ATP6V1E1: variants seen among roughly 807,000 people sequenced by gnomAD.
ATP6V1E1 encodes the protein V-type proton ATPase subunit E 1.
A neutral mutation model predicts 35.2 loss-of-function variants in ATP6V1E1; 21 were observed. That is an observed-to-expected ratio of 0.60 (90% confidence interval 0.42 to 0.86). The LOEUF (loss-of-function observed/expected upper bound fraction) is 0.86, where lower values mean the gene tolerates loss of function less well. Ranked by LOEUF, ATP6V1E1 falls within the 40% of genes least tolerant of loss-of-function variation. The pLI, the probability that ATP6V1E1 is intolerant of heterozygous loss-of-function variation, is 0.00. For missense variants in ATP6V1E1, 183 were observed against 272.6 expected (o/e 0.67, Z 2.32); for synonymous variants, 83 against 87.8 (o/e 0.95, Z 0.30).
At chr22:17,605,693 C>CGT (rs1555957952) in intron 4 of ATP6V1E1, among the ~76,000 whole-genome samples, 1 of 103,968 alleles carries the variant, frequency 9.6e-6, no homozygotes, top group African/African-American at 3.7e-5. Flanking sequence ...AGATGTTTCT[C>CGT]TTTTTTTTTT....
rs574340813 is a variant in ATP6V1E1, at chr22:17,622,158, A to G, written c.34-2632T>C. Among the ~76,000 whole-genome samples the G allele has an allele frequency of 2.0e-4, 30 of 152,342 alleles. 1 individual carries two copies. Among genetic ancestry groups the G allele is most frequent in the Admixed American group, 5.2e-4 (8 of 15,296 alleles). On this transcript the variant is annotated intron_variant, in intron 1 of 8. Transcript: ENST00000253413. ...TGATGAAATCCAAAAAGGAAAAAAA[A>G]GCTAAAAATTGACGTAGGATCTTTA... is the stretch of plus-strand genomic sequence containing the variant.
At chr22:17,620,759 TTC>T (rs71661603) in intron 1 of ATP6V1E1, among the ~76,000 whole-genome samples, 16,896 of 152,130 alleles carry the variant, frequency 0.11, 1,122 homozygotes, top group Middle Eastern at 0.22. Flanking sequence ...GTTCTATTAA[TTC>T]TCTCTTAATA....
Position 17,600,108 on chromosome 22 carries a change from G to A in ATP6V1E1, c.367-13C>T, listed in dbSNP as rs1414783507. On this transcript the variant is annotated splice_polypyrimidine_tract_variant and intron_variant, in intron 5 of 8. Transcript: ENST00000253413. ...ACTGGTACAAACCCTGGAAGAAATA[G>A]TAGATACAGTCAGTAGAAAATGCAA... The A allele has an allele frequency of 1.2e-6, 2 of 1,609,522 alleles. No individual in the cohort carries two copies. The highest frequency in any genetic ancestry group is 3.3e-5 in the Admixed American group (2 of 59,970).
At chr22:17,603,139 G>A (rs558474860) in intron 4 of ATP6V1E1, among the ~76,000 whole-genome samples, 8 of 152,076 alleles carry the variant, frequency 5.3e-5, no homozygotes, top group South Asian at 4.2e-4. Flanking sequence ...TAGTAGAGAC[G>A]GAGTTTCACC....
At chr22:17,605,881 A>G (rs760577689) in intron 4 of ATP6V1E1, among the ~76,000 whole-genome samples, 43 of 151,750 alleles carry the variant, frequency 2.8e-4, no homozygotes, top group Admixed American at 5.3e-4. Flanking sequence ...GCTGGTCTTG[A>G]ATGCCTGGGC....
chr22:17,621,040 C>T (rs1402941941), intron 1 of ATP6V1E1, among the ~76,000 whole-genome samples: 1 of 151,846 alleles, frequency 6.6e-6, no homozygotes, highest in African/African-American at 2.4e-5. Context: ...CCAGCCTGGG[C>T]GACAGAGCGA....
chr22:17,628,568 G>C (rs548343541), intron 1 of ATP6V1E1, 35 bp downstream of exon 1: 1 of 1,613,782 alleles, frequency 6.2e-7, no homozygotes, highest in African/African-American at 1.3e-5. Context: ...CGGGACTGCC[G>C]CCGCGGCTTC....
intron 5 of ATP6V1E1, among the ~76,000 whole-genome samples, chr22:17,600,482 C>T (rs1289481740): frequency 6.6e-6 from 1 of 152,042 alleles, no homozygotes; most frequent in Non-Finnish European, 1.5e-5. Context: ...AAATAAGATG[C>T]TTCTACAGTT....
chr22:17,605,359 C>T (rs1452455220), intron 4 of ATP6V1E1, among the ~76,000 whole-genome samples: 2 of 151,590 alleles, frequency 1.3e-5, no homozygotes, highest in African/African-American at 4.8e-5. Flanking sequence ...GGAAAAACCC[C>T]ATCTCTTCTA....
At chr22:17,611,038 G>A (rs995134444) in intron 4 of ATP6V1E1, among the ~76,000 whole-genome samples, 1 of 152,114 alleles carries the variant, frequency 6.6e-6, no homozygotes, top group Non-Finnish European at 1.5e-5. Context: ...TTAGACAAAC[G>A]AATATGGCAG....
chr22:17,603,210 A>G (rs2057770128), intron 4 of ATP6V1E1, among the ~76,000 whole-genome samples: 1 of 152,142 alleles, frequency 6.6e-6, no homozygotes, highest in Non-Finnish European at 1.5e-5. Flanking sequence ...TCGGCCTCCC[A>G]AAGTGCTGGG....
intron 1 of ATP6V1E1, among the ~76,000 whole-genome samples, chr22:17,623,738 T>C (rs2057889758): frequency 6.6e-6 from 1 of 152,048 alleles, no homozygotes. Flanking sequence ...CCTCTAAAGG[T>C]GAACCCTGAT....
chr22:17,618,542 C>T lies in ATP6V1E1; in HGVS notation c.99+919G>A, dbSNP rs142921327. Among the ~76,000 whole-genome samples the T allele has an allele frequency of 3.0e-4, 45 of 151,620 alleles. 1 individual carries two copies. In the East Asian group the frequency reaches 8.6e-3, roughly 29 times the overall value. ...CTAAAAATACAAAAAATTAGCCAGG[C>T]GTGGTGGCGGGTGTCTGTAATCCCA... On this transcript the variant is annotated intron_variant, in intron 2 of 8. Coordinates refer to ENST00000253413, the MANE Select transcript of ATP6V1E1 (RefSeq NM_001696.4).
chr22:17,609,183 C>A (rs1227096298), intron 4 of ATP6V1E1, among the ~76,000 whole-genome samples: 1 of 151,526 alleles, frequency 6.6e-6, no homozygotes, highest in African/African-American at 2.4e-5. Context: ...CTTTTTTGAG[C>A]GGAGTCTCAC....
chr22:17,615,961 G>A (rs558526473), intron 2 of ATP6V1E1, among the ~76,000 whole-genome samples: 2 of 152,068 alleles, frequency 1.3e-5, no homozygotes, highest in East Asian at 3.9e-4. Flanking sequence ...GAACCTGGGA[G>A]GCAGAGGTTG....
At chr22:17,599,180 AAGTTC>A (rs1351177801) in intron 6 of ATP6V1E1, among the ~76,000 whole-genome samples, 1 of 152,114 alleles carries the variant, frequency 6.6e-6, no homozygotes, top group African/African-American at 2.4e-5. Flanking sequence ...GAAAATGGAA[AAGTTC>A]TGAAGATGGA....
In ATP6V1E1 at chr22:17,592,528, T is replaced by C; in HGVS notation, c.*146A>G. On this transcript the variant is annotated 3_prime_UTR_variant, in exon 9 of 9. Transcript: ENST00000253413. ...CCATTGTGAACAATTAGGCAAGGCA[T>C]GAGTGACAGAGGGGCATCGCTGATA... is the stretch of plus-strand genomic sequence containing the variant. 1.2e-6 allele frequency: 1 copy of C among 820,366 alleles called. No homozygotes were observed. Among genetic ancestry groups the C allele is most frequent in the Non-Finnish European group, 2.0e-6 (1 of 497,708 alleles). The allele number at this position is 820,366 out of a possible 1,614,324, so 50.8% of individuals were successfully genotyped here. A position where few individuals can be genotyped will look rare whatever the true frequency, so the allele number is the denominator to read the frequency against.
chr22:17,622,897 C>T (rs545301273), intron 1 of ATP6V1E1, among the ~76,000 whole-genome samples: 3 of 151,850 alleles, frequency 2.0e-5, no homozygotes, highest in Non-Finnish European at 2.9e-5. Flanking sequence ...AACCTGGAGG[C>T]GGAGGTTGTG....
chr22:17,595,306 A>G (rs1422172252), intron 7 of ATP6V1E1: 1 of 152,138 alleles, frequency 6.6e-6, no homozygotes, highest in East Asian at 1.9e-4. Flanking sequence ...CTCTGCCTCC[A>G]CAAGTGTTGG....
Sources: gnomAD v4.1 joint callset for allele counts (sites outside exome capture counted in the v4.1 genomes callset) on GRCh38, gnomAD v4.1.1 for gene constraint, MANE v1.5 for transcripts, NCBI Gene and HGNC (gene_info 2026-07-23, HGNC 2026-07-21) for gene names.